The following PEPD variants were observed in gnomAD, a reference collection of about 807,000 sequenced individuals.
PEPD encodes the protein xaa-Pro dipeptidase.
A neutral mutation model predicts 60.7 loss-of-function variants in PEPD; 53 were observed. The observed-to-expected ratio is 0.87, with a 90% CI of 0.70 to 1.10. The LOEUF is 1.10. Ranked by LOEUF, PEPD falls within the 50% of genes least tolerant of loss-of-function variation. The pLI, the probability that PEPD is intolerant of heterozygous loss-of-function variation, is 0.00. For missense variants in PEPD, 711 were observed against 711.9 expected, an observed-to-expected ratio of 1.00 and a Z score of 0.01; for synonymous variants, 267 against 284.1, an observed-to-expected ratio of 0.94 and a Z score of 0.60.
At chr19:33,514,078 A>T (rs253677) in intron 1 of PEPD, among the ~76,000 whole-genome samples, 107,514 of 151,990 alleles carry the variant, frequency 0.71, 38,478 homozygotes, top group South Asian at 0.8. Context: ...AATGAATGAA[A>T]AAACGGATGG....
At chr19:33,455,682 T>TA (rs1969782692) in intron 9 of PEPD, among the ~76,000 whole-genome samples, 2 of 150,734 alleles carry the variant, frequency 1.3e-5, no homozygotes, top group Non-Finnish European at 3.0e-5. Context: ...AAAAACATTT[T>TA]TTTTTTTTTT....
rs1009943626 is a variant in PEPD at position 33,419,720 on chromosome 19, A to G, written c.672-6077T>C. ...ACTGGCAGTGGGTGATGCCATGGCT[A>G]ACGCCTTCCGGAGCCCTGACCTTGC... On this transcript the variant is annotated intron_variant, in intron 9 of 14. Transcript: ENST00000244137. Among the ~76,000 whole-genome samples the G allele has an allele frequency of 5.9e-4, 90 of 152,246 alleles. 3 individuals are homozygous for G. Among genetic ancestry groups the G allele is most frequent in the Admixed American group, 4.8e-3 (74 of 15,282 alleles).
intron 3 of PEPD, among the ~76,000 whole-genome samples, chr19:33,505,551 C>G (rs983194786): frequency 6.6e-6 from 1 of 152,052 alleles, no homozygotes; most frequent in East Asian, 1.9e-4. Flanking sequence ...AGAGGGCCCC[C>G]GACACCCTGC....
At chr19:33,405,334 T>C (rs1393908754) in intron 11 of PEPD, among the ~76,000 whole-genome samples, 2 of 152,260 alleles carry the variant, frequency 1.3e-5, no homozygotes, top group African/African-American at 2.4e-5. Context: ...GCAATGTTTA[T>C]ATGAGAGCCA....
intron 12 of PEPD, among the ~76,000 whole-genome samples, chr19:33,397,110 C>A (rs897978778): frequency 4.6e-5 from 7 of 152,172 alleles, no homozygotes; most frequent in Non-Finnish European, 7.4e-5. Flanking sequence ...GCCTGCCCTG[C>A]CACCCGCCTG....
rs1053283037 is a variant in PEPD at position 33,391,629 on chromosome 19, C to G, written c.968-150G>C. ...GGGCAAGGGTACTACATCGGGGGCCCAGGGGGACAAGGACTAGGGTGGCCC... is the reference window on the plus strand; with the variant it reads ...GGGCAAGGGTACTACATCGGGGGCCGAGGGGGACAAGGACTAGGGTGGCCC... On this transcript the variant is annotated intron_variant, in intron 12 of 14. Transcript: ENST00000244137. 4.1e-5 allele frequency: 31 copies of G among 747,490 alleles called. No individual in the cohort carries two copies. The African/African-American group carries it at 4.7e-4, about 11-fold the overall frequency. The allele number at this position is 747,490 out of a possible 1,614,324, so 46.3% of individuals were successfully genotyped here. A position where few individuals can be genotyped will look rare whatever the true frequency, so the allele number is the denominator to read the frequency against.
chr19:33,463,973 G>A lies in PEPD; in HGVS notation c.624+14C>T, dbSNP rs762712383. The A allele has an allele frequency of 4.9e-5, 78 of 1,580,370 alleles. No homozygotes were observed. Among genetic ancestry groups the A allele is most frequent in the Admixed American group, 1.2e-4 (7 of 59,236 alleles). Reference sequence around the variant, plus strand: ...CTGCTTTCCCCACTCAACCAGAGCCGGTGCCTGACTTACCTCACGGTGGGC... The same window carrying A: ...CTGCTTTCCCCACTCAACCAGAGCCAGTGCCTGACTTACCTCACGGTGGGC... On this transcript the variant is annotated intron_variant, in intron 8 of 14. Transcript: ENST00000244137.
Position 33,394,828 on chromosome 19 carries a change from C to T in PEPD, c.968-3349G>A, listed in dbSNP as rs951510827. Among the ~76,000 whole-genome samples, 4 of 152,222 alleles carry T rather than the reference C, an allele frequency of 2.6e-5. No homozygotes were observed. In the South Asian group the frequency reaches 6.2e-4, roughly 24 times the overall value. On this transcript the variant is annotated intron_variant, in intron 12 of 14. Transcript: ENST00000244137. ...CAGAAATTGGGCACCAGCTGCCCTG[C>T]GTGCCCCAACCCCCAGCAAGCACCA...
chr19:33,507,680 TCC>T (rs1296980166), intron 3 of PEPD, among the ~76,000 whole-genome samples: 1 of 152,114 alleles, frequency 6.6e-6, no homozygotes, highest in African/African-American at 2.4e-5. Flanking sequence ...GGCCAGGTAC[TCC>T]CGTCAGCCTC....
chr19:33,500,775 G>A (rs914606186), intron 4 of PEPD, among the ~76,000 whole-genome samples, 163 bp downstream of exon 4: 1 of 152,194 alleles, frequency 6.6e-6, no homozygotes. Flanking sequence ...ATGGGTTGCT[G>A]CCTACTCCTT....
intron 7 of PEPD, among the ~76,000 whole-genome samples, chr19:33,465,832 T>G (rs548627046): frequency 3.5e-4 from 53 of 152,068 alleles, no homozygotes; most frequent in Non-Finnish European, 6.8e-4. Context: ...TATAGAACCC[T>G]ACACCCAGAC....
At chr19:33,404,595 C>G (rs1311276637) in intron 11 of PEPD, among the ~76,000 whole-genome samples, 1 of 152,204 alleles carries the variant, frequency 6.6e-6, no homozygotes, top group Non-Finnish European at 1.5e-5. Context: ...GCCAGCAAAG[C>G]AGAAAGACCA....
At chr19:33,515,185 G>T (rs1277733624) in intron 1 of PEPD, among the ~76,000 whole-genome samples, 2 of 152,126 alleles carry the variant, frequency 1.3e-5, no homozygotes, top group Admixed American at 1.3e-4. Context: ...ATGACACACG[G>T]GGCCACACAC....
chr19:33,488,301 A>C (rs1186494970), intron 6 of PEPD, among the ~76,000 whole-genome samples: 1 of 152,084 alleles, frequency 6.6e-6, no homozygotes, highest in Non-Finnish European at 1.5e-5. Context: ...CCAGGTGAGC[A>C]TGATCTCCTC....
At position 33,400,155 on chromosome 19, in the gene PEPD, G is replaced by A. The variant is rs891681612; in HGVS notation, c.967+1566C>T. On this transcript the variant is annotated intron_variant, in intron 12 of 14. Transcript: ENST00000244137. ...GCCTGTCTCTCTGGAGGTCTGTATA[G>A]CTGTGGGTGAGAGGCAGTGGGCGAG... Among the ~76,000 whole-genome samples the A allele has an allele frequency of 1.6e-4, 25 of 152,324 alleles. No individual in the cohort carries two copies. The East Asian group carries it at 1.7e-3, about 11-fold the overall frequency.
intron 1 of PEPD, among the ~76,000 whole-genome samples, chr19:33,516,982 C>A (rs1161013982): frequency 1.7e-5 from 2 of 115,302 alleles, no homozygotes; most frequent in Non-Finnish European, 3.5e-5. Flanking sequence ...GAATTCGAGA[C>A]CAGAATGGGC....
intron 9 of PEPD, among the ~76,000 whole-genome samples, chr19:33,423,120 CATCCATCT>C (rs1969066942): frequency 6.6e-6 from 1 of 152,192 alleles, no homozygotes; most frequent in African/African-American, 2.4e-5. Flanking sequence ...TCCATCCATC[CATCCATCT>C]ATCCAACCAT....
intron 9 of PEPD, among the ~76,000 whole-genome samples, chr19:33,427,784 T>C (rs941716719): frequency 4.6e-5 from 7 of 152,232 alleles, no homozygotes; most frequent in African/African-American, 2.4e-5. Flanking sequence ...TAGAAGAATT[T>C]GTGCTTTTAA....
At chr19:33,463,879 G>T in intron 8 of PEPD, 108 bp downstream of exon 8, 1 of 749,926 alleles carries the variant, frequency 1.3e-6, no homozygotes, top group Non-Finnish European at 2.4e-6. Flanking sequence ...CCTCTCACTT[G>T]GCCCTCAGGG....
Sources: allele counts gnomAD v4.1 joint callset (sites outside exome capture counted in the v4.1 genomes callset), GRCh38; gene constraint gnomAD v4.1.1; transcripts MANE v1.5; gene names NCBI Gene and HGNC (gene_info 2026-07-23, HGNC 2026-07-21).